Variants in KMT2C observed in about 807,000 individuals in gnomAD.
KMT2C encodes histone-lysine N-methyltransferase 2C.
Under a neutral mutation model 507.9 loss-of-function variants are expected in KMT2C, and 88 were observed. That is an observed-to-expected ratio of 0.17 (90% CI 0.15 to 0.21). The LOEUF (loss-of-function observed/expected upper bound fraction) is 0.21, where lower values mean the gene tolerates loss of function less well. KMT2C is among the 10% of genes least tolerant of loss of function. KMT2C has a pLI of 1.00. For synonymous variants in KMT2C, 2,049 were observed against 2,080.8 expected, an observed-to-expected ratio of 0.98 and a Z score of 0.42; for missense variants, 4,954 against 5,957.8, an observed-to-expected ratio of 0.83 and a Z score of 5.55.
chr7:152,207,190 G>C, intron 24 of KMT2C, 110 bp downstream of exon 24: 1 of 1,056,148 alleles, frequency 9.5e-7, no homozygotes. Context: ...TTTTTGTTTA[G>C]ACAGTTCTGA....
intron 1 of KMT2C, among the ~76,000 whole-genome samples, chr7:152,398,414 C>A (rs1232995706): frequency 1.3e-5 from 2 of 152,014 alleles, no homozygotes; most frequent in Non-Finnish European, 2.9e-5. Context: ...TTAAATGATC[C>A]CATTATCATA....
chr7:152,424,986 C>T lies in KMT2C; in HGVS notation c.161+10640G>A, dbSNP rs916336823. On this transcript the variant is annotated intron_variant, in intron 1 of 58. Coordinates refer to ENST00000262189, the MANE Select transcript of KMT2C (RefSeq NM_170606.3). ...CAAAAATAGCAAAGTGTCATTTTTG[C>T]TATGTTCTACTGGTTAAAGTGAGTC... is the stretch of plus-strand genomic sequence containing the variant. Among the ~76,000 whole-genome samples the T allele has an allele frequency of 6.6e-5, 10 of 152,136 alleles. No individual in the cohort carries two copies. In the South Asian group the frequency reaches 8.3e-4, roughly 13 times the overall value.
intron 25 of KMT2C, among the ~76,000 whole-genome samples, chr7:152,203,905 G>C (rs779870775): frequency 6.2e-4 from 95 of 152,070 alleles, no homozygotes; most frequent in Admixed American, 5.9e-4. Flanking sequence ...AGGAACCACA[G>C]AAGTAAGCAA....
Position 152,281,172 on chromosome 7 carries a change from G to A in KMT2C, c.850-7305C>T, listed in dbSNP as rs544801209. On this transcript the variant is annotated intron_variant, in intron 6 of 58. Transcript: ENST00000262189. The stretch of plus-strand genomic sequence containing the variant: ...CATAGAAATGTAAAAACTTCTATGT[G>A]GTGAGAACACACATTACAGAAAAAA... Among the ~76,000 whole-genome samples, 4 of 149,982 alleles carry A rather than the reference G, an allele frequency of 2.7e-5. No individual in the cohort carries two copies. In the East Asian group the frequency reaches 7.8e-4, roughly 29 times the overall value.
intron 18 of KMT2C, among the ~76,000 whole-genome samples, chr7:152,225,383 A>G (rs545789535): frequency 2.0e-5 from 3 of 152,344 alleles, no homozygotes; most frequent in Admixed American, 6.5e-5. Flanking sequence ...GAAGAAAATA[A>G]AAGAGTTAAA....
chr7:152,167,068 A>C, intron 42 of KMT2C, 78 bp downstream of exon 42: 1 of 1,177,422 alleles, frequency 8.5e-7, no homozygotes, highest in Non-Finnish European at 1.2e-6. Context: ...CACTAGTCAA[A>C]GTCACTAATG....
In KMT2C at chr7:152,178,015, T is replaced by TAAA. The variant is rs746018833; in HGVS notation, c.7443-8_7443-6dup. On this transcript the variant is annotated splice_polypyrimidine_tract_variant and splice_region_variant and intron_variant, in intron 37 of 58. Transcript: ENST00000262189. The stretch of plus-strand genomic sequence containing the variant: ...CTACCTCCTGGAAATCCAAATCTTT[T>TAAA]AAAAAAAAAAAAAAAAAAAAAAAAA... 4.7e-4 allele frequency: 379 copies of TAAA among 810,836 alleles called. No homozygotes were observed. The highest frequency in any genetic ancestry group is 8.0e-4 in the African/African-American group (26 of 32,434). 50.2% of individuals were successfully genotyped at this position (810,836 alleles called of 1,614,324 possible). A position where few individuals can be genotyped will look rare whatever the true frequency, so the allele number is the denominator to read the frequency against.
intron 2 of KMT2C, among the ~76,000 whole-genome samples, chr7:152,352,777 G>C (rs1489240783): frequency 6.6e-6 from 1 of 152,068 alleles, no homozygotes; most frequent in Non-Finnish European, 1.5e-5. Context: ...TTCATACCTT[G>C]TGGCAGGGAG....
Position 152,194,132 on chromosome 7 carries a change from G to A in KMT2C, c.4541-4C>T. The A allele has an allele frequency of 6.4e-7, 1 of 1,572,216 alleles. No homozygotes were observed. Reference sequence around the variant, plus strand: ...TCAACATCTTTTCCGCCAAGCTCTAGGAGATAAAACAATAATAGTAACAAG... The same window carrying A: ...TCAACATCTTTTCCGCCAAGCTCTAAGAGATAAAACAATAATAGTAACAAG... On this transcript the variant is annotated splice_region_variant and splice_polypyrimidine_tract_variant and intron_variant, in intron 30 of 58. Coordinates refer to ENST00000262189, the MANE Select transcript of KMT2C (RefSeq NM_170606.3).
At chr7:152,363,603 G>C (rs1355280934) in intron 1 of KMT2C, among the ~76,000 whole-genome samples, 1 of 152,126 alleles carries the variant, frequency 6.6e-6, no homozygotes. Flanking sequence ...CCCTACCATG[G>C]CACAGGCTTT....
intron 4 of KMT2C, 53 bp from the exon 5 acceptor site, chr7:152,311,999 C>A: frequency 7.0e-7 from 1 of 1,432,144 alleles, no homozygotes; most frequent in South Asian, 1.3e-5. Flanking sequence ...AAAATTGTTT[C>A]ATTTTTAACT....
intron 6 of KMT2C, among the ~76,000 whole-genome samples, chr7:152,308,904 A>G (rs953998283): frequency 3.9e-5 from 6 of 152,090 alleles, no homozygotes; most frequent in African/African-American, 1.4e-4. Flanking sequence ...TGCTGTCTTT[A>G]TAGATGGGAG....
intron 9 of KMT2C, among the ~76,000 whole-genome samples, chr7:152,256,524 A>T (rs1468747433): frequency 6.6e-6 from 1 of 152,148 alleles, no homozygotes; most frequent in Non-Finnish European, 1.5e-5. Flanking sequence ...ATACCACTGT[A>T]CTATGGCCGG....
intron 55 of KMT2C, among the ~76,000 whole-genome samples, chr7:152,141,974 A>G (rs2090615561): frequency 6.6e-6 from 1 of 152,150 alleles, no homozygotes; most frequent in African/African-American, 2.4e-5. Flanking sequence ...GTGAGCTGAG[A>G]TTGTGCCACC....
At chr7:152,330,149 A>T (rs1589232802) in intron 3 of KMT2C, among the ~76,000 whole-genome samples, 1 of 15,212 alleles carries the variant, frequency 6.6e-5, no homozygotes, top group Non-Finnish European at 1.2e-4. Context: ...TCTCAAAAAA[A>T]GGGAGGGGGG....
chr7:152,195,965 T>C lies in KMT2C; in HGVS notation c.4320A>G (p.Thr1440=), dbSNP rs1412920843. The stretch of plus-strand genomic sequence containing the variant: ...AAATTATTCCAAGAATGTCATCATC[T>C]GTGTTTAAAACTTCAGAAATATCAG... The part of the protein sequence containing the change: ...PLADISEVLN[T]DDDILGIISD... The change falls in exon 28 of 59, where the codon ACA becomes ACG. Residue 1440 remains threonine (T), a synonymous_variant. Transcript: ENST00000262189. 2.5e-6 allele frequency: 4 copies of C among 1,610,732 alleles called. No homozygotes were observed. The highest frequency in any genetic ancestry group is 3.4e-6 in the Non-Finnish European group (4 of 1,177,722).
chr7:152,240,150 G>GTA (rs1349229581), intron 14 of KMT2C, among the ~76,000 whole-genome samples: 3 of 152,172 alleles, frequency 2.0e-5, no homozygotes, highest in Non-Finnish European at 1.5e-5. Context: ...CCTAGCTCAG[G>GTA]TAATCACTAT....
intron 23 of KMT2C, among the ~76,000 whole-genome samples, chr7:152,215,150 AC>A (rs1295071715): frequency 6.6e-6 from 1 of 152,148 alleles, no homozygotes; most frequent in Non-Finnish European, 1.5e-5. Context: ...CAAGGAATTC[AC>A]CTTTGCAGGC....
chr7:152,209,266 C>T (rs2094394047), intron 23 of KMT2C, among the ~76,000 whole-genome samples: 1 of 151,516 alleles, frequency 6.6e-6, no homozygotes, highest in African/African-American at 2.4e-5. Context: ...ACCATCCTGG[C>T]TAACACAGTG....
Sources: allele counts gnomAD v4.1 joint callset (sites outside exome capture counted in the v4.1 genomes callset), GRCh38; gene constraint gnomAD v4.1.1; transcripts MANE v1.5; gene names NCBI Gene and HGNC (gene_info 2026-07-23, HGNC 2026-07-21).